ELAVL2: variants seen among roughly 807,000 people sequenced by gnomAD.
ELAVL2 encodes ELAV-like protein 2.
A neutral mutation model predicts 34.6 loss-of-function variants in ELAVL2; 4 were observed. The ratio of observed to expected loss-of-function variants is 0.12; its 90% confidence interval spans 0.06 to 0.26. The LOEUF is 0.26. Among genes scored for constraint, ELAVL2 ranks in the 10% least tolerant of loss-of-function variants. The pLI is 1.00. For synonymous variants in ELAVL2, 193 were observed against 154.8 expected (o/e 1.25, Z -1.83); for missense variants, 432 against 442.8 (o/e 0.98, Z 0.22).
intron 1 of ELAVL2, chr9:23,821,462 C>G (rs1274551279): frequency 6.6e-6 from 1 of 152,418 alleles, no homozygotes; most frequent in East Asian, 2.0e-4. Flanking sequence ...CACCAGTGTT[C>G]CCGCCCAGAG....
chr9:23,744,109 C>A (rs2049934270), intron 2 of ELAVL2, among the ~76,000 whole-genome samples: 1 of 152,122 alleles, frequency 6.6e-6, no homozygotes. Flanking sequence ...AGCTAACTAG[C>A]CTTATGAATT....
rs534233543 is a variant in ELAVL2, at chr9:23,722,338, T to C, written c.333+8684A>G. Among the ~76,000 whole-genome samples, 31 of 152,358 alleles carry C rather than the reference T, an allele frequency of 2.0e-4. No individual in the cohort carries two copies. The East Asian group carries it at 5.0e-3, about 25-fold the overall frequency. ...AAATAATTTCAGGAAGTTACTACTA[T>C]AATAATAATTTTACTGTTCATTACA... On this transcript the variant is annotated intron_variant, in intron 3 of 6. Transcript: ENST00000397312.
At chr9:23,727,379 C>T (rs2045487270) in intron 3 of ELAVL2, among the ~76,000 whole-genome samples, 1 of 152,058 alleles carries the variant, frequency 6.6e-6, no homozygotes, top group African/African-American at 2.4e-5. Flanking sequence ...TGGTGAACCA[C>T]GTTGAACTCT....
intron 3 of ELAVL2, among the ~76,000 whole-genome samples, chr9:23,729,151 C>G (rs912912649): frequency 6.6e-6 from 1 of 152,152 alleles, no homozygotes; most frequent in Non-Finnish European, 1.5e-5. Flanking sequence ...CTACCTTCTT[C>G]TGGATCTTCG....
intron 6 of ELAVL2, 111 bp from the exon 7 acceptor site, chr9:23,692,995 T>A (rs1407047709): frequency 1.8e-5 from 17 of 958,074 alleles, no homozygotes; most frequent in Non-Finnish European, 2.4e-5. Flanking sequence ...GTAACTCTCC[T>A]CCCCCAACAA....
At chr9:23,809,703 T>C (rs2062726480) in intron 1 of ELAVL2, among the ~76,000 whole-genome samples, 1 of 152,188 alleles carries the variant, frequency 6.6e-6, no homozygotes, top group Non-Finnish European at 1.5e-5. Flanking sequence ...TTTCCTGAAT[T>C]TCTCCTAAAA....
At chr9:23,737,440 A>G (rs543345132) in intron 2 of ELAVL2, among the ~76,000 whole-genome samples, 1 of 152,360 alleles carries the variant, frequency 6.6e-6, no homozygotes, top group East Asian at 1.9e-4. Flanking sequence ...TTCTACAAAT[A>G]CCATTAAGAT....
At position 23,813,412 on chromosome 9, in the gene ELAVL2, CTTT is replaced by C. The variant is rs559247550; in HGVS notation, c.-16+12391_-16+12393del. Among the ~76,000 whole-genome samples, 379 of 132,852 alleles carry C rather than the reference CTTT, an allele frequency of 2.9e-3. 1 individual carries two copies. The highest frequency in any genetic ancestry group is 9.4e-3 in the African/African-American group (342 of 36,510). The allele number at this position is 132,852 out of a possible 152,430, so 87.2% of individuals were successfully genotyped here. A position where few individuals can be genotyped will look rare whatever the true frequency, so the allele number is the denominator to read the frequency against. On this transcript the variant is annotated intron_variant, in intron 1 of 6. Coordinates refer to ENST00000397312, the MANE Select transcript of ELAVL2 (RefSeq NM_004432.5). ...CACACACCTGGAAGTCTCATATCGG[CTTT>C]TTTTTTTTTTTTTTACAACAATCTT... is the stretch of plus-strand genomic sequence containing the variant.
intron 2 of ELAVL2, among the ~76,000 whole-genome samples, chr9:23,736,376 A>T (rs2047890990): frequency 1.3e-5 from 2 of 152,200 alleles, no homozygotes. Context: ...AATGCAAAGG[A>T]GAAAAAGATC....
At chr9:23,729,682 T>C (rs2046085043) in intron 3 of ELAVL2, among the ~76,000 whole-genome samples, 1 of 152,116 alleles carries the variant, frequency 6.6e-6, no homozygotes, top group South Asian at 2.1e-4. Flanking sequence ...TTCTTGGACC[T>C]CTCATACCCT....
chr9:23,697,082 T>A (rs1275665657), intron 5 of ELAVL2, among the ~76,000 whole-genome samples: 2 of 152,120 alleles, frequency 1.3e-5, no homozygotes, highest in African/African-American at 4.8e-5. Flanking sequence ...CACTCTCTCC[T>A]GCTCTTTAGC....
At chr9:23,707,788 T>G (rs541128831) in intron 3 of ELAVL2, among the ~76,000 whole-genome samples, 1 of 152,232 alleles carries the variant, frequency 6.6e-6, no homozygotes, top group Non-Finnish European at 1.5e-5. Flanking sequence ...CTAATCTATG[T>G]GACATTATAA....
intron 3 of ELAVL2, among the ~76,000 whole-genome samples, chr9:23,716,136 T>A (rs1334413544): frequency 2.8e-5 from 3 of 105,838 alleles, no homozygotes; most frequent in African/African-American, 1.2e-4. Context: ...GGACACAGGG[T>A]GGGGAACATC....
At chr9:23,819,036 A>G (rs1181485274) in intron 1 of ELAVL2, among the ~76,000 whole-genome samples, 2 of 152,230 alleles carry the variant, frequency 1.3e-5, no homozygotes, top group African/African-American at 4.8e-5. Context: ...CTGTGTCCTT[A>G]AAGAGAACCT....
intron 3 of ELAVL2, among the ~76,000 whole-genome samples, chr9:23,718,040 G>T: frequency 6.6e-6 from 1 of 152,252 alleles, no homozygotes; most frequent in East Asian, 1.9e-4. Flanking sequence ...TAAAGCTACT[G>T]ACCTTTCCTA....
intron 3 of ELAVL2, among the ~76,000 whole-genome samples, chr9:23,721,137 A>T (rs896483547): frequency 1.3e-5 from 2 of 152,230 alleles, no homozygotes; most frequent in Admixed American, 6.5e-5. Context: ...GTAGCTTGAA[A>T]GCAAAGCATT....
chr9:23,717,104 C>T (rs1170968895), intron 3 of ELAVL2, among the ~76,000 whole-genome samples: 1 of 152,210 alleles, frequency 6.6e-6, no homozygotes, highest in South Asian at 2.1e-4. Flanking sequence ...ATGCCATCTA[C>T]AGTTAAGTTT....
rs190386967 is a variant in ELAVL2, at chr9:23,719,033, C to T, written c.333+11989G>A. Among the ~76,000 whole-genome samples, 14 of 152,196 alleles carry T rather than the reference C, an allele frequency of 9.2e-5. No homozygotes were observed. The East Asian group carries it at 1.5e-3, about 17-fold the overall frequency. ...GAAAACATGGACAACCTTCACTGTA[C>T]GCAATAAAGAGACCATATCATTGCC... On this transcript the variant is annotated intron_variant, in intron 3 of 6. Coordinates refer to ENST00000397312, the MANE Select transcript of ELAVL2 (RefSeq NM_004432.5).
At chr9:23,810,378 C>T (rs2062815863) in intron 1 of ELAVL2, among the ~76,000 whole-genome samples, 1 of 151,954 alleles carries the variant, frequency 6.6e-6, no homozygotes, top group Non-Finnish European at 1.5e-5. Context: ...GCTAGGAGTG[C>T]TACAGGGACC....
Sources: gnomAD v4.1 joint callset for allele counts (sites outside exome capture counted in the v4.1 genomes callset) on GRCh38, gnomAD v4.1.1 for gene constraint, MANE v1.5 for transcripts, NCBI Gene and HGNC (gene_info 2026-07-23, HGNC 2026-07-21) for gene names.